Variants in KCTD1 observed in about 807,000 individuals in gnomAD.
KCTD1 encodes the protein potassium channel tetramerization domain containing 1.
KCTD1 carries 24 observed loss-of-function variants against 66.0 expected under a neutral mutation model. That is an observed-to-expected ratio of 0.36 (90% CI 0.26 to 0.51). The LOEUF (loss-of-function observed/expected upper bound fraction) is 0.51, where lower values mean the gene tolerates loss of function less well. Among genes scored for constraint, KCTD1 ranks in the 20% least tolerant of loss-of-function variants. The pLI is 0.95. For synonymous variants in KCTD1, 511 were observed against 517.2 expected (o/e 0.99, Z 0.16); for missense variants, 943 against 1,205.2 (o/e 0.78, Z 3.22).
chr18:26,550,772 G>A (rs1985534640), upstream of KCTD1, among the ~76,000 whole-genome samples: 1 of 152,248 alleles, frequency 6.6e-6, no homozygotes, highest in Non-Finnish European at 1.5e-5. This position sits in a 1 kb window ranked among gnomAD's most constrained non-coding sequence, Gnocchi z 5.4. Flanking sequence ...GAGCAGCTAA[G>A]TTAGTTGCAC....
intron 1 of KCTD1, among the ~76,000 whole-genome samples, chr18:26,639,097 C>T (rs2145059584): frequency 6.6e-6 from 1 of 152,312 alleles, no homozygotes; most frequent in African/African-American, 2.4e-5. Context: ...TGGGGAGAAA[C>T]ATCTCCCCAC....
Position 26,492,605 on chromosome 18 carries a change from C to CAATAAATA in KCTD1, c.1988+8459_1988+8466dup, listed in dbSNP as rs56266790. ...TGAGTGACAGAACAAGACACTGTCTCAATAAATAAATAAATAAATAAATAA... is the reference window on the plus strand; with the variant it reads ...TGAGTGACAGAACAAGACACTGTCTCAATAAATAAATAAATAAATAAATAAATAAATAA... On this transcript the variant is annotated intron_variant, in intron 2 of 4. Transcript: ENST00000580059. Among the ~76,000 whole-genome samples the CAATAAATA allele has an allele frequency of 5.8e-3, 797 of 138,598 alleles. 3 individuals carry two copies. The highest frequency in any genetic ancestry group is 8.5e-3 in the East Asian group (40 of 4,696). 90.9% of individuals were successfully genotyped at this position (138,598 alleles called of 152,430 possible).
chr18:26,508,708 T>C (rs1983175472), intron 1 of KCTD1, among the ~76,000 whole-genome samples: 1 of 50,420 alleles, frequency 2.0e-5, no homozygotes, highest in Non-Finnish European at 6.8e-5. Context: ...TTTAAATATA[T>C]TTCTCTCTCT....
intron 2 of KCTD1, among the ~76,000 whole-genome samples, chr18:26,482,856 G>A (rs1258044327): frequency 6.6e-6 from 1 of 152,210 alleles, no homozygotes; most frequent in Non-Finnish European, 1.5e-5. Flanking sequence ...TGAGGCTGGG[G>A]AAAGAAGTGC....
At chr18:26,464,714 G>A (rs937784198) in intron 3 of KCTD1, among the ~76,000 whole-genome samples, 1 of 152,180 alleles carries the variant, frequency 6.6e-6, no homozygotes, top group Admixed American at 6.5e-5. Flanking sequence ...TCTGAGGAAT[G>A]TCTCCAATAC....
intron 2 of KCTD1, among the ~76,000 whole-genome samples, chr18:26,481,918 G>A (rs752135028): frequency 6.6e-6 from 1 of 152,132 alleles, no homozygotes; most frequent in Non-Finnish European, 1.5e-5. Flanking sequence ...AAAGGAGGTT[G>A]AGCAGAGAGA....
At chr18:26,467,686 G>A (rs993398192) in intron 3 of KCTD1, among the ~76,000 whole-genome samples, 2 of 151,888 alleles carry the variant, frequency 1.3e-5, no homozygotes, top group Admixed American at 6.6e-5. Flanking sequence ...ATGGTGGGGG[G>A]TGCCTGTAAT....
chr18:26,625,982 A>G (rs1241135418), intron 1 of KCTD1, among the ~76,000 whole-genome samples: 4 of 152,156 alleles, frequency 2.6e-5, no homozygotes, highest in Non-Finnish European at 5.9e-5. Flanking sequence ...ATCCTAGAAC[A>G]AAGATGCTCT....
upstream of KCTD1, among the ~76,000 whole-genome samples, chr18:26,631,863 A>G (rs1010402268): frequency 4.7e-5 from 7 of 150,102 alleles, no homozygotes; most frequent in South Asian, 1.5e-3. Flanking sequence ...CCTGGCTAAC[A>G]TGGTGAAACC....
rs1456540237 is a variant in KCTD1, at chr18:26,547,316, C to T, written c.1221G>A (p.Gln407=). The T allele has an allele frequency of 7.7e-6, 12 of 1,551,512 alleles. No homozygotes were observed. The highest frequency in any genetic ancestry group is 1.4e-5 in the African/African-American group (1 of 73,050). ...CCTCGCTGCAGTGGTCCCGGGGCCG[C>T]TGGAAGAACGCCTTGCAGAGAGGGT... ...KRNPLCKAFF[Q]RPRDHCSEGD... is the part of the protein sequence containing the mutation. The change falls in exon 1 of 5, where the codon CAG becomes CAA. Residue 407 remains glutamine (Q), a synonymous_variant. Transcript: ENST00000580059.
intron 1 of KCTD1, among the ~76,000 whole-genome samples, chr18:26,525,151 C>T (rs1004441674): frequency 1.1e-4 from 17 of 152,186 alleles, no homozygotes; most frequent in Admixed American, 7.2e-4. Flanking sequence ...TTCTTTTGCA[C>T]GTGCAACTCT....
chr18:26,583,684 C>T (rs1452858567), intron 1 of KCTD1, among the ~76,000 whole-genome samples: 1 of 152,156 alleles, frequency 6.6e-6, no homozygotes, highest in Non-Finnish European at 1.5e-5. Context: ...AAATCTTTAG[C>T]ACAACAAAAA....
At chr18:26,626,921 G>A (rs1987514805) in intron 1 of KCTD1, among the ~76,000 whole-genome samples, 1 of 152,180 alleles carries the variant, frequency 6.6e-6, no homozygotes, top group African/African-American at 2.4e-5. Flanking sequence ...CACTACGGCT[G>A]AACAAAGGGC....
intron 1 of KCTD1, among the ~76,000 whole-genome samples, chr18:26,601,553 A>G (rs1270610917): frequency 6.6e-6 from 1 of 152,128 alleles, no homozygotes; most frequent in Non-Finnish European, 1.5e-5. Context: ...GATGCAACAA[A>G]CACAGCCGTG....
At chr18:26,534,393 T>G (rs1268633160) in intron 1 of KCTD1, among the ~76,000 whole-genome samples, 1 of 152,148 alleles carries the variant, frequency 6.6e-6, no homozygotes, top group Non-Finnish European at 1.5e-5. Flanking sequence ...GTCTCTTGAT[T>G]ATCATTATTT....
At chr18:26,474,275 A>G (rs1372967955) in intron 3 of KCTD1, among the ~76,000 whole-genome samples, 1 of 152,222 alleles carries the variant, frequency 6.6e-6, no homozygotes, top group Non-Finnish European at 1.5e-5. Flanking sequence ...TTTCTTTTTT[A>G]GAAAGTCCAG....
intron 1 of KCTD1, among the ~76,000 whole-genome samples, chr18:26,578,212 C>G (rs533772711): frequency 6.6e-5 from 10 of 152,112 alleles, no homozygotes; most frequent in African/African-American, 2.4e-4. Context: ...TGCACCACCA[C>G]ACCCGGCTAA....
intron 1 of KCTD1, among the ~76,000 whole-genome samples, chr18:26,616,141 C>CTT (rs11354165): frequency 2.9e-4 from 40 of 138,112 alleles, no homozygotes; most frequent in East Asian, 6.4e-4. Flanking sequence ...TTAAGTGTTT[C>CTT]TTTTTTTTTT....
chr18:26,494,182 C>T (rs996198684), intron 2 of KCTD1, among the ~76,000 whole-genome samples: 6 of 152,018 alleles, frequency 3.9e-5, no homozygotes, highest in African/African-American at 1.2e-4. Context: ...CCAGCCCTGG[C>T]AACATAGTGA....
Sources: gnomAD v4.1 joint callset for allele counts (sites outside exome capture counted in the v4.1 genomes callset) on GRCh38, gnomAD v4.1.1 for gene constraint, Gnocchi (gnomAD v3.1) non-coding constraint, MANE v1.5 for transcripts, NCBI Gene and HGNC (gene_info 2026-07-23, HGNC 2026-07-21) for gene names.